Variants in HS1BP3 observed in about 807,000 individuals in gnomAD.
The protein encoded by HS1BP3 is HCLS1-binding protein 3.
A neutral mutation model predicts 33.5 loss-of-function variants in HS1BP3; 32 were observed. The ratio of observed to expected loss-of-function variants is 0.95; its 90% CI spans 0.72 to 1.28. The LOEUF is 1.28. Ranked by LOEUF, HS1BP3 falls within the 50% of genes most tolerant of loss-of-function variation. HS1BP3 has a pLI of 0.00. For missense variants in HS1BP3, 486 were observed against 502.3 expected (o/e 0.97, Z 0.31); for synonymous variants, 187 against 209.2 (o/e 0.89, Z 0.92).
chr2:20,618,994 A>G lies in HS1BP3; in HGVS notation c.1172T>C (p.Leu391Pro). 1 of 1,613,582 alleles carries G rather than the reference A, an allele frequency of 6.2e-7. No homozygotes were observed. The highest frequency in any genetic ancestry group is 8.5e-7 in the Non-Finnish European group (1 of 1,179,738). Residue 391 changes from leucine (L) to proline (P), a missense_variant, in exon 7 of 7, where the codon CTC becomes CCC. By Grantham distance (98) the Leu-to-Pro change is moderately conservative. Transcript: ENST00000304031. ...GGGGCCAGCATGGAAGGGTCAGAAG[A>G]GGCTGGGGGCGGCCTGGGCTGGTGT... The part of the protein sequence containing the change: ...HDTPAQAAPS[L>P]F
intron 6 of HS1BP3, among the ~76,000 whole-genome samples, chr2:20,620,417 C>T (rs142653974): frequency 6.6e-6 from 1 of 152,204 alleles, no homozygotes; most frequent in Non-Finnish European, 1.5e-5. Flanking sequence ...TTCCCTTGTG[C>T]TAACGGGCAT....
Position 20,600,777 on chromosome 2 carries a change from G to A in HS1BP3, c.179-2512C>T, listed in dbSNP as rs146243496. On this transcript the variant is annotated intron_variant, in intron 2 of 3. Coordinates refer to the HS1BP3 transcript ENST00000415264. ...ATGTGAGTGGTTATCTTTGAAAAATGAGATTGTGTGTAATTCTTTTTCTTC... is the reference window on the plus strand; with the variant it reads ...ATGTGAGTGGTTATCTTTGAAAAATAAGATTGTGTGTAATTCTTTTTCTTC... Among the ~76,000 whole-genome samples, 302 of 152,258 alleles carry A rather than the reference G, an allele frequency of 2.0e-3. 3 individuals are homozygous for A. Among genetic ancestry groups the A allele is most frequent in the African/African-American group, 7.1e-3 (294 of 41,554 alleles).
chr2:20,638,675 A>G (rs766046523), intron 3 of HS1BP3, 23 bp from the exon 4 acceptor site: 4 of 1,595,606 alleles, frequency 2.5e-6, no homozygotes, highest in Middle Eastern at 1.7e-4. Flanking sequence ...ACAGAAAAGA[A>G]TGGACTTGGT....
intron 3 of HS1BP3, among the ~76,000 whole-genome samples, chr2:20,596,147 TTCCCCG>T (rs1378984317): frequency 7.9e-5 from 12 of 152,172 alleles, no homozygotes; most frequent in Middle Eastern, 3.2e-3. Flanking sequence ...TCTCCCCTCC[TTCCCCG>T]TGACACTGCT....
intron 1 of HS1BP3, among the ~76,000 whole-genome samples, chr2:20,650,277 T>C (rs1345419900): frequency 6.6e-5 from 10 of 152,048 alleles, no homozygotes; most frequent in Non-Finnish European, 5.9e-5. Context: ...GTGAAGTGTA[T>C]GAAAATATTT....
At chr2:20,633,798 C>T (rs1021431472) in intron 4 of HS1BP3, among the ~76,000 whole-genome samples, 3 of 152,252 alleles carry the variant, frequency 2.0e-5, no homozygotes, top group Non-Finnish European at 2.9e-5. Flanking sequence ...GCTGGGATTA[C>T]AGGCGTGAGC....
intron 5 of HS1BP3, among the ~76,000 whole-genome samples, chr2:20,577,122 G>A (rs923767938): frequency 6.6e-6 from 1 of 152,358 alleles, no homozygotes; most frequent in Non-Finnish European, 1.5e-5. Context: ...GGCCTAGATG[G>A]AGATGTGGGG....
intron 6 of HS1BP3, chr2:20,622,183 T>G: frequency 1.6e-6 from 2 of 1,289,128 alleles, no homozygotes; most frequent in South Asian, 2.5e-5. Context: ...CATGAATGAA[T>G]GAATGGCTAT....
At chr2:20,623,093 CTG>C (rs1694657428) in intron 6 of HS1BP3, 1 of 152,328 alleles carries the variant, frequency 6.6e-6, no homozygotes, top group African/African-American at 2.4e-5. Context: ...ACGCACAACA[CTG>C]AGTCTGCTGA....
intron 5 of HS1BP3, among the ~76,000 whole-genome samples, chr2:20,563,116 G>A (rs550712994): frequency 2.0e-4 from 30 of 152,356 alleles, no homozygotes; most frequent in Non-Finnish European, 4.3e-4. Context: ...GAAGGCGTGT[G>A]CATCCTCTTG....
At chr2:20,559,629 T>C (rs1334065772), downstream of HS1BP3, among the ~76,000 whole-genome samples, 2 of 150,358 alleles carry the variant, frequency 1.3e-5, no homozygotes, top group Non-Finnish European at 3.0e-5. Flanking sequence ...GATGGGTGGA[T>C]GGATAGGTAG....
intron 4 of HS1BP3, among the ~76,000 whole-genome samples, chr2:20,628,970 C>T (rs527915837): frequency 1.3e-5 from 2 of 152,280 alleles, no homozygotes; most frequent in Non-Finnish European, 2.9e-5. Context: ...AAGCTTTGCT[C>T]ATGGTCCATA....
At chr2:20,567,384 G>T (rs1466618033) in intron 5 of HS1BP3, among the ~76,000 whole-genome samples, 1 of 152,222 alleles carries the variant, frequency 6.6e-6, no homozygotes, top group Non-Finnish European at 1.5e-5. Flanking sequence ...GGCCAGGCCA[G>T]TCAGACGCTG....
chr2:20,601,971 G>A (rs1572324967), intron 2 of HS1BP3, among the ~76,000 whole-genome samples: 1 of 151,492 alleles, frequency 6.6e-6, no homozygotes, highest in East Asian at 1.9e-4. Flanking sequence ...AGGAAGCAAG[G>A]GGCTCATATT....
At chr2:20,627,448 A>G (rs539262475) in intron 4 of HS1BP3, among the ~76,000 whole-genome samples, 3 of 152,356 alleles carry the variant, frequency 2.0e-5, no homozygotes, top group African/African-American at 7.2e-5. Flanking sequence ...GGGAAGCGAG[A>G]GAGAACAGGC....
intron 5 of HS1BP3, among the ~76,000 whole-genome samples, chr2:20,577,525 A>T (rs545420402): frequency 6.6e-6 from 1 of 152,318 alleles, no homozygotes; most frequent in South Asian, 2.1e-4. Flanking sequence ...GTGACATGTT[A>T]GCGGCTTGGA....
chr2:20,574,508 C>A (rs1693353249), intron 5 of HS1BP3, among the ~76,000 whole-genome samples: 1 of 152,168 alleles, frequency 6.6e-6, no homozygotes, highest in South Asian at 2.1e-4. Context: ...CAGGGTTGAG[C>A]TGGACTGGGA....
intron 3 of HS1BP3, among the ~76,000 whole-genome samples, chr2:20,639,400 T>A (rs1307461554): frequency 6.6e-6 from 1 of 152,234 alleles, no homozygotes; most frequent in Non-Finnish European, 1.5e-5. Flanking sequence ...TGTGACAGGC[T>A]GGGAATAAAA....
At chr2:20,561,733 T>C (rs1231532810) in intron 5 of HS1BP3, among the ~76,000 whole-genome samples, 1 of 152,194 alleles carries the variant, frequency 6.6e-6, no homozygotes, top group East Asian at 1.9e-4. Context: ...TATTTTGTCT[T>C]CTTGGTTTCT....
Sources: allele counts gnomAD v4.1 joint callset (sites outside exome capture counted in the v4.1 genomes callset), GRCh38; gene constraint gnomAD v4.1.1; transcripts MANE v1.5; gene names NCBI Gene and HGNC (gene_info 2026-07-23, HGNC 2026-07-21).